Variants in CACNA2D3 observed in about 807,000 individuals in gnomAD.
CACNA2D3 encodes voltage-dependent calcium channel subunit alpha-2/delta-3.
In CACNA2D3, 60 loss-of-function variants were observed where a neutral mutation model predicts 160.6. That is an observed-to-expected ratio of 0.37 (90% CI 0.30 to 0.46). The LOEUF (loss-of-function observed/expected upper bound fraction) is 0.46. Ranked by LOEUF, CACNA2D3 falls within the 20% of genes least tolerant of loss-of-function variation. The pLI, the probability that CACNA2D3 is intolerant of heterozygous loss-of-function variation, is 1.00. For missense variants in CACNA2D3, 1,205 were observed against 1,365.0 expected (o/e 0.88, Z 1.85); for synonymous variants, 558 against 492.9 (o/e 1.13, Z -1.75).
chr3:54,978,795 G>C (rs1326676116), intron 29 of CACNA2D3, among the ~76,000 whole-genome samples: 1 of 151,778 alleles, frequency 6.6e-6, no homozygotes, highest in Admixed American at 6.6e-5. Context: ...TCACTGGTTG[G>C]TTCACAGGAA....
At chr3:54,984,204 TG>T (rs1319959168) in intron 29 of CACNA2D3, among the ~76,000 whole-genome samples, 3 of 152,290 alleles carry the variant, frequency 2.0e-5, no homozygotes, top group African/African-American at 7.2e-5. Flanking sequence ...GACATTGTGC[TG>T]GCGTTTTGCT....
intron 4 of CACNA2D3, among the ~76,000 whole-genome samples, chr3:54,456,469 T>C (rs1015659629): frequency 2.6e-5 from 4 of 151,952 alleles, no homozygotes; most frequent in Admixed American, 2.6e-4. Context: ...TGGTGGAGTC[T>C]TTAGGTTGTT....
At chr3:54,167,003 T>G (rs530543981) in intron 2 of CACNA2D3, among the ~76,000 whole-genome samples, 7 of 152,290 alleles carry the variant, frequency 4.6e-5, no homozygotes, top group African/African-American at 9.6e-5. Context: ...AAACGTCTTG[T>G]GAGATTGTTT....
In CACNA2D3 at chr3:54,298,663, G is replaced by A. The variant is rs1378742300; in HGVS notation, c.205-21779G>A. Reference sequence around the variant, plus strand: ...AAAAGTACAACAATTAGCCAGGTGCGGTGGTGCATACCTGTAGTCCCAGCT... The same window carrying A: ...AAAAGTACAACAATTAGCCAGGTGCAGTGGTGCATACCTGTAGTCCCAGCT... On this transcript the variant is annotated intron_variant, in intron 2 of 37. Coordinates refer to ENST00000474759, the MANE Select transcript of CACNA2D3 (RefSeq NM_018398.3). Among the ~76,000 whole-genome samples, 8 of 152,026 alleles carry A rather than the reference G, an allele frequency of 5.3e-5. No individual in the cohort carries two copies. The South Asian group carries it at 8.3e-4, about 16-fold the overall frequency.
chr3:54,308,515 G>A (rs1703659037), intron 2 of CACNA2D3, among the ~76,000 whole-genome samples: 2 of 152,184 alleles, frequency 1.3e-5, no homozygotes, highest in African/African-American at 4.8e-5. Flanking sequence ...CTGGGTCCCT[G>A]AGTCACTATG....
At chr3:54,854,961 G>A (rs1251483705) in intron 17 of CACNA2D3, among the ~76,000 whole-genome samples, 1 of 152,102 alleles carries the variant, frequency 6.6e-6, no homozygotes, top group Non-Finnish European at 1.5e-5. Flanking sequence ...TGCTTTGTAG[G>A]ACAGTGTATT....
In CACNA2D3 at chr3:54,752,635, G is replaced by C. The variant is rs1701881408; in HGVS notation, c.1204G>C (p.Ala402Pro). The change falls in exon 12 of 38, where the codon GCG (alanine) becomes CCG (proline). Residue 402 changes from alanine (A) to proline (P), a missense_variant. Around this residue, in one of 3 missense-constraint regions of CACNA2D3, gnomAD observed 911 missense variants for 1,002.2 expected, o/e 0.91. Coordinates refer to ENST00000474759, the MANE Select transcript of CACNA2D3 (RefSeq NM_018398.3). Reference sequence around the variant, plus strand: ...CACATACCTCATTGGACGAGAGGCTGCGTTTGCAGACAATCTAAAGTGGAT... The same window carrying C: ...CACATACCTCATTGGACGAGAGGCTCCGTTTGCAGACAATCTAAAGTGGAT... The part of the protein sequence containing the change: ...IFTYLIGREA[A>P]FADNLKWMAC... 3 of 1,613,620 alleles carry C rather than the reference G, an allele frequency of 1.9e-6. No homozygotes were observed. Among genetic ancestry groups the C allele is most frequent in the Non-Finnish European group, 2.5e-6 (3 of 1,179,776 alleles).
intron 5 of CACNA2D3, among the ~76,000 whole-genome samples, chr3:54,512,946 A>G (rs554951698): frequency 3.3e-5 from 5 of 152,326 alleles, no homozygotes; most frequent in East Asian, 1.9e-4. Context: ...GGACGGCAGC[A>G]GGCAAAGAGA....
In CACNA2D3 at chr3:54,311,890, G is replaced by T. The variant is rs1703751123; in HGVS notation, c.205-8552G>T. ...TGGCATAGTCCCATCTTAAATGATT[G>T]GGTTAATGAATTTATCTCTTGCACT... On this transcript the variant is annotated intron_variant, in intron 2 of 37. Coordinates refer to ENST00000474759, the MANE Select transcript of CACNA2D3 (RefSeq NM_018398.3). Among the ~76,000 whole-genome samples, 3 of 152,080 alleles carry T rather than the reference G, an allele frequency of 2.0e-5. No individual in the cohort carries two copies. The South Asian group carries it at 6.2e-4, about 32-fold the overall frequency.
At chr3:54,438,109 G>C (rs555326659) in intron 4 of CACNA2D3, among the ~76,000 whole-genome samples, 1 of 152,284 alleles carries the variant, frequency 6.6e-6, no homozygotes, top group South Asian at 2.1e-4. Flanking sequence ...CATGAAAAGG[G>C]TTATAGAAGT....
In CACNA2D3 at chr3:54,688,979, C is replaced by CA. The variant is rs1162900126; in HGVS notation, c.1167+46770dup. ...CCTGGGAGACAGTGTGAGACTGTCT[C>CA]AAAAAAAAAAAAAAAAAAAAAAAAA... On this transcript the variant is annotated intron_variant, in intron 11 of 37. Transcript: ENST00000474759. Among the ~76,000 whole-genome samples the CA allele has an allele frequency of 4.3e-3, 136 of 31,436 alleles. 7 individuals are homozygous for CA. The highest frequency in any genetic ancestry group is 0.034 in the East Asian group (12 of 358). The allele number at this position is 31,436 out of a possible 152,430, so 20.6% of individuals were successfully genotyped here. A position where few individuals can be genotyped will look rare whatever the true frequency, so the allele number is the denominator to read the frequency against.
chr3:54,751,263 A>G (rs908446876), intron 11 of CACNA2D3, among the ~76,000 whole-genome samples: 1 of 152,172 alleles, frequency 6.6e-6, no homozygotes, highest in Non-Finnish European at 1.5e-5. Context: ...GCTGTGATAA[A>G]TAAAGTAATG....
chr3:54,717,273 T>C (rs1404218816), intron 11 of CACNA2D3, among the ~76,000 whole-genome samples: 1 of 152,246 alleles, frequency 6.6e-6, no homozygotes, highest in Non-Finnish European at 1.5e-5. Flanking sequence ...TTTCAAATTA[T>C]GCTGCTGTGA....
intron 17 of CACNA2D3, among the ~76,000 whole-genome samples, chr3:54,852,459 T>G (rs1699079582): frequency 1.3e-5 from 2 of 152,088 alleles, no homozygotes; most frequent in African/African-American, 4.8e-5. Context: ...CTTGAACGAG[T>G]TTAAGTTTTC....
intron 5 of CACNA2D3, among the ~76,000 whole-genome samples, chr3:54,530,313 TG>T (rs754464110): frequency 7.2e-5 from 11 of 152,172 alleles, no homozygotes; most frequent in Non-Finnish European, 1.3e-4. Context: ...ACTTGGTGGG[TG>T]CTCCATAGTT....
At chr3:54,350,979 T>TTG (rs1698546287) in intron 3 of CACNA2D3, among the ~76,000 whole-genome samples, 1 of 40,192 alleles carries the variant, frequency 2.5e-5, no homozygotes, top group Non-Finnish European at 5.1e-5. Context: ...TTTTTTTTTT[T>TTG]TTGTTTGTTT....
chr3:54,404,455 ACAGT>A (rs1699533790), intron 4 of CACNA2D3, among the ~76,000 whole-genome samples: 1 of 152,170 alleles, frequency 6.6e-6, no homozygotes, highest in South Asian at 2.1e-4. Context: ...AAAACTCTTA[ACAGT>A]TTAGGTATAG....
chr3:54,996,314 A>G (rs1293972963), intron 31 of CACNA2D3, among the ~76,000 whole-genome samples: 2 of 152,250 alleles, frequency 1.3e-5, no homozygotes, highest in Non-Finnish European at 2.9e-5. Context: ...AAGAAATTTA[A>G]TATTTTCTAT....
chr3:54,657,204 A>G (rs941792062), intron 11 of CACNA2D3, among the ~76,000 whole-genome samples: 1 of 152,100 alleles, frequency 6.6e-6, no homozygotes, highest in Non-Finnish European at 1.5e-5. Flanking sequence ...TTTGTGGTGG[A>G]ATGTCATCAG....
Sources: gnomAD v4.1 joint callset for allele counts (sites outside exome capture counted in the v4.1 genomes callset) on GRCh38, gnomAD v4.1.1 for gene constraint, gnomAD v4.1.1 regional missense constraint, MANE v1.5 for transcripts, NCBI Gene and HGNC (gene_info 2026-07-23, HGNC 2026-07-21) for gene names.